SHQ1: variants seen among roughly 807,000 people sequenced by gnomAD.
SHQ1 encodes the protein SHQ1, H/ACA ribonucleoprotein assembly factor, also known as protein SHQ1 homolog.
SHQ1 carries 49 observed loss-of-function variants against 53.8 expected under a neutral mutation model. The ratio of observed to expected loss-of-function variants is 0.91; its 90% CI spans 0.72 to 1.16. The LOEUF (loss-of-function observed/expected upper bound fraction) is 1.16. Ranked by LOEUF, SHQ1 falls within the 50% of genes most tolerant of loss-of-function variation. SHQ1 has a pLI of 0.00. For synonymous variants in SHQ1, 243 were observed against 251.0 expected, an observed-to-expected ratio of 0.97 and a Z score of 0.30; for missense variants, 738 against 683.1, an observed-to-expected ratio of 1.08 and a Z score of -0.90.
intron 10 of SHQ1, among the ~76,000 whole-genome samples, chr3:72,789,058 A>G (rs1440638025): frequency 1.3e-5 from 2 of 150,796 alleles, no homozygotes; most frequent in African/African-American, 2.4e-5. Context: ...TCCGAGAAAC[A>G]CTCAAGAATG....
intron 10 of SHQ1, among the ~76,000 whole-genome samples, chr3:72,758,560 A>ATT (rs201098371): frequency 7.5e-6 from 1 of 134,118 alleles, no homozygotes; most frequent in African/African-American, 3.0e-5. Flanking sequence ...TGAGGCTACT[A>ATT]TTTTTTCTTT....
Position 72,750,679 on chromosome 3 carries a change from T to G in SHQ1, c.1339A>C (p.Thr447Pro). Residue 447 changes from threonine (T) to proline (P), a missense_variant, in exon 11 of 11, where the codon ACA becomes CCA. Transcript: ENST00000325599. ...KAAHSVSGQQ[T>P]LCSSSEASDS... ...CTTGCCTCAGAGCTGGAGCAAAGTG[T>G]CTGCTGCCCAGAAACTGAATGGGCT... 6.2e-7 allele frequency: 1 copy of G among 1,608,274 alleles called. No individual in the cohort carries two copies. Among genetic ancestry groups the G allele is most frequent in the Non-Finnish European group, 8.5e-7 (1 of 1,176,854 alleles).
chr3:72,842,507 T>C, intron 2 of SHQ1, 105 bp from the exon 3 acceptor site: 1 of 1,049,370 alleles, frequency 9.5e-7, no homozygotes, highest in Non-Finnish European at 1.4e-6. Context: ...GGCAGGAGGA[T>C]CATTTTAGCC....
chr3:72,751,508 G>GTGTGTATATATATA (rs1210782182), intron 10 of SHQ1, among the ~76,000 whole-genome samples: 6 of 116,978 alleles, frequency 5.1e-5, no homozygotes, highest in African/African-American at 2.2e-4. Context: ...GTGTGTGTGT[G>GTGTGTATATATATA]TATATATATA....
the SHQ1 span, among the ~76,000 whole-genome samples, chr3:72,727,400 C>T: frequency 7.8e-4 from 119 of 152,166 alleles, 2 homozygotes; most frequent in South Asian, 0.024. Flanking sequence ...CGGAGGTCTA[C>T]AGGATAAAAA....
chr3:72,835,292 G>A (rs1278011249), intron 4 of SHQ1, among the ~76,000 whole-genome samples: 4 of 152,016 alleles, frequency 2.6e-5, no homozygotes, highest in Non-Finnish European at 4.4e-5. Context: ...AGGATTAAAT[G>A]AGATAATACA....
At chr3:72,844,849 G>C (rs1284915501) in intron 1 of SHQ1, among the ~76,000 whole-genome samples, 1 of 152,112 alleles carries the variant, frequency 6.6e-6, no homozygotes, top group East Asian at 1.9e-4. Flanking sequence ...TCAAAACTTG[G>C]CTGCATACAC....
In SHQ1 at chr3:72,750,740, T is replaced by G; in HGVS notation, c.1278A>C (p.Ala426=). The change falls in exon 11 of 11, where the codon GCA becomes GCC. Residue 426 remains alanine (A), a synonymous_variant. Coordinates refer to ENST00000325599, the MANE Select transcript of SHQ1 (RefSeq NM_018130.3). Reference sequence around the variant, plus strand: ...CAGTTTCTTCCTCCTGGACAAGCAGTGCTGCTGCTTCTAGTTCTTCCAGTT... The same window carrying G: ...CAGTTTCTTCCTCCTGGACAAGCAGGGCTGCTGCTTCTAGTTCTTCCAGTT... The part of the protein sequence containing the change: ...GLELEELEAA[A]LLVQEEETAL... The G allele has an allele frequency of 1.3e-6, 2 of 1,554,434 alleles. No homozygotes were observed. Among genetic ancestry groups the G allele is most frequent in the East Asian group, 2.4e-5 (1 of 41,050 alleles).
the SHQ1 span, among the ~76,000 whole-genome samples, chr3:72,729,910 C>G: frequency 5.3e-5 from 8 of 152,092 alleles, no homozygotes; most frequent in Non-Finnish European, 1.0e-4. Flanking sequence ...CTCTGCCCCC[C>G]GGGGTTCACG....
intron 9 of SHQ1, among the ~76,000 whole-genome samples, chr3:72,810,335 C>A (rs1707079633): frequency 6.6e-6 from 1 of 152,132 alleles, no homozygotes; most frequent in South Asian, 2.1e-4. Flanking sequence ...GAAATGCAAA[C>A]CTGAAAAGAG....
At chr3:72,807,312 G>GT (rs1307893637) in intron 9 of SHQ1, among the ~76,000 whole-genome samples, 1 of 152,162 alleles carries the variant, frequency 6.6e-6, no homozygotes, top group Non-Finnish European at 1.5e-5. Flanking sequence ...GTGTAATTCT[G>GT]TGCCCTGTGC....
intron 10 of SHQ1, among the ~76,000 whole-genome samples, chr3:72,780,388 T>C (rs1353397957): frequency 6.6e-6 from 1 of 152,200 alleles, no homozygotes; most frequent in Non-Finnish European, 1.5e-5. Context: ...ACAGGACAAA[T>C]GCTGACAACT....
rs185285628 is a variant in SHQ1, at chr3:72,830,718, A to G, written c.599+1651T>C. Among the ~76,000 whole-genome samples the G allele has an allele frequency of 5.5e-3, 843 of 152,310 alleles. 8 individuals are homozygous for G. Among genetic ancestry groups the G allele is most frequent in the African/African-American group, 0.018 (750 of 41,566 alleles). On this transcript the variant is annotated intron_variant, in intron 5 of 10. Transcript: ENST00000325599. ...GACTCCCACTCTCCTCACTTAGCCC[A>G]TAACTAAATTTAAACCATTCTTGTA... is the stretch of plus-strand genomic sequence containing the variant.
chr3:72,756,939 T>C (rs1030991641), intron 10 of SHQ1, among the ~76,000 whole-genome samples: 1 of 152,230 alleles, frequency 6.6e-6, no homozygotes, highest in Non-Finnish European at 1.5e-5. Context: ...TCAATTATTT[T>C]ACATTTGGTG....
intron 4 of SHQ1, among the ~76,000 whole-genome samples, chr3:72,835,767 C>T (rs914147854): frequency 2.0e-5 from 3 of 152,298 alleles, no homozygotes; most frequent in Non-Finnish European, 2.9e-5. Flanking sequence ...CAATTCCAAT[C>T]CTGAGCCTTT....
the SHQ1 span, among the ~76,000 whole-genome samples, chr3:72,728,232 C>T: frequency 3.9e-5 from 6 of 152,192 alleles, no homozygotes; most frequent in East Asian, 1.9e-4. Context: ...CAAAGCAAGG[C>T]GGTGCTTTTG....
chr3:72,841,135 T>A lies in SHQ1; in HGVS notation c.396A>T (p.Thr132=), dbSNP rs1207633901. ...CACTTTCTGATACCTCTTCACAGGG[T>A]GTCTGCTCAATTTCCCAATCAAACT... is the stretch of plus-strand genomic sequence containing the variant. The part of the protein sequence containing the change: ...DEEFDWEIEQ[T]PCEEVSESAL... Residue 132 remains threonine (T), a synonymous_variant, in exon 4 of 11, where the codon ACA becomes ACT. Transcript: ENST00000325599. 4.3e-6 allele frequency: 7 copies of A among 1,613,758 alleles called. No individual in the cohort carries two copies. The Admixed American group carries it at 8.3e-5, about 19-fold the overall frequency.
At chr3:72,806,405 T>C (rs1406785831) in intron 9 of SHQ1, among the ~76,000 whole-genome samples, 1 of 152,188 alleles carries the variant, frequency 6.6e-6, no homozygotes, top group Non-Finnish European at 1.5e-5. Context: ...CTATGATTGT[T>C]CTATTCTTAG....
At chr3:72,758,852 C>A (rs977059815) in intron 10 of SHQ1, among the ~76,000 whole-genome samples, 3 of 152,192 alleles carry the variant, frequency 2.0e-5, no homozygotes, top group Admixed American at 6.5e-5. Flanking sequence ...CAGGCGTGAG[C>A]CACCGCACCT....
Sources: allele counts gnomAD v4.1 joint callset (sites outside exome capture counted in the v4.1 genomes callset), GRCh38; gene constraint gnomAD v4.1.1; transcripts MANE v1.5; gene names NCBI Gene and HGNC (gene_info 2026-07-23, HGNC 2026-07-21).